PACSIN2: variants seen among roughly 807,000 people sequenced by gnomAD.
The protein encoded by PACSIN2 is protein kinase C and casein kinase substrate in neurons protein 2.
Under a neutral mutation model 63.8 loss-of-function variants are expected in PACSIN2, and 25 were observed. That is an observed-to-expected ratio of 0.39 (90% CI 0.29 to 0.55). The LOEUF (loss-of-function observed/expected upper bound fraction) is 0.55, where lower values mean the gene tolerates loss of function less well. Ranked by LOEUF, PACSIN2 falls within the 20% of genes least tolerant of loss-of-function variation. The pLI is 0.62. For missense variants in PACSIN2, 518 were observed against 646.9 expected (o/e 0.80, Z 2.16); for synonymous variants, 255 against 256.2 (o/e 1.00, Z 0.05).
intron 1 of PACSIN2, among the ~76,000 whole-genome samples, chr22:42,991,694 G>C (rs1923053214): frequency 1.3e-5 from 2 of 151,666 alleles, no homozygotes; most frequent in Non-Finnish European, 2.9e-5. Flanking sequence ...GTCATGAAGA[G>C]ATCCAAGGGC....
chr22:42,894,879 C>A (rs571239554), intron 2 of PACSIN2, among the ~76,000 whole-genome samples: 36 of 152,206 alleles, frequency 2.4e-4, no homozygotes, highest in African/African-American at 8.7e-4. Context: ...TCAGTTTTAC[C>A]TTTTCTAAAA....
chr22:42,929,038 G>A (rs767973304), intron 1 of PACSIN2, among the ~76,000 whole-genome samples: 73 of 152,336 alleles, frequency 4.8e-4, no homozygotes, highest in Non-Finnish European at 6.3e-4. Flanking sequence ...AAGAATAAAC[G>A]TGAATTAAAG....
chr22:42,986,781 G>A (rs1237345519), intron 1 of PACSIN2, among the ~76,000 whole-genome samples: 1 of 152,112 alleles, frequency 6.6e-6, no homozygotes, highest in African/African-American at 2.4e-5. Flanking sequence ...AGGGGCAGCA[G>A]CTACTGCATC....
chr22:42,891,189 A>G lies in PACSIN2; in HGVS notation c.218-7T>C, dbSNP rs1486971037. 1 of 1,603,574 alleles carries G rather than the reference A, an allele frequency of 6.2e-7. No homozygotes were observed. Among genetic ancestry groups the G allele is most frequent in the Non-Finnish European group, 8.5e-7 (1 of 1,171,726 alleles). ...ACGGTCCCGTACTGGGGCCCTGTGC[A>G]GGGGAGAGAAGCTGCGGGTCACTCA... On this transcript the variant is annotated splice_polypyrimidine_tract_variant and splice_region_variant and intron_variant, in intron 3 of 10. Transcript: ENST00000263246.
At chr22:42,985,949 C>T (rs1317354142) in intron 1 of PACSIN2, among the ~76,000 whole-genome samples, 2 of 151,544 alleles carry the variant, frequency 1.3e-5, no homozygotes, top group East Asian at 3.9e-4. Flanking sequence ...GAGCCACCGG[C>T]CACTTGGCTT....
rs146941587 is a variant in PACSIN2, at chr22:42,974,693, G to A, written c.-78+40328C>T. 2.1e-3 allele frequency among the ~76,000 whole-genome samples: 308 copies of A among 149,882 alleles called. 3 individuals carry two copies. Among genetic ancestry groups the A allele is most frequent in the Non-Finnish European group, 3.3e-4 (22 of 67,596 alleles). Reference sequence around the variant, plus strand: ...AAACCTGGGAGGTGGAGGTTGCAGTGAGTTGAGATTGTGCCACTGCACTCC... The same window carrying A: ...AAACCTGGGAGGTGGAGGTTGCAGTAAGTTGAGATTGTGCCACTGCACTCC... On this transcript the variant is annotated intron_variant, in intron 1 of 10. Coordinates refer to ENST00000263246, the MANE Select transcript of PACSIN2 (RefSeq NM_001184970.3).
At chr22:43,004,542 C>T (rs1923968102) in intron 1 of PACSIN2, among the ~76,000 whole-genome samples, 3 of 152,202 alleles carry the variant, frequency 2.0e-5, no homozygotes, top group Admixed American at 2.0e-4. Context: ...CGGGCTTGGA[C>T]GTCTGTACAG....
chr22:42,951,180 G>A (rs10483216), intron 1 of PACSIN2, among the ~76,000 whole-genome samples: 4,509 of 152,142 alleles, frequency 0.03, 180 homozygotes, highest in Admixed American at 0.095. Flanking sequence ...TTCCCTTTAG[G>A]TAAGCATGAA....
intron 1 of PACSIN2, among the ~76,000 whole-genome samples, chr22:42,924,974 A>C (rs1009223168): frequency 1.2e-4 from 18 of 150,848 alleles, no homozygotes; most frequent in South Asian, 2.1e-4. Context: ...AGCCAGGATG[A>C]TCTCGATCTC....
intron 1 of PACSIN2, among the ~76,000 whole-genome samples, chr22:42,968,109 A>G (rs1920993430): frequency 6.6e-6 from 1 of 152,208 alleles, no homozygotes; most frequent in African/African-American, 2.4e-5. Flanking sequence ...CAGCAATGGT[A>G]GCGCGGGAAG....
At chr22:42,990,964 G>A (rs1922999204) in intron 1 of PACSIN2, among the ~76,000 whole-genome samples, 1 of 152,114 alleles carries the variant, frequency 6.6e-6, no homozygotes. Flanking sequence ...CTGTAAAATG[G>A]ACAGCAGCCA....
intron 1 of PACSIN2, among the ~76,000 whole-genome samples, chr22:42,942,520 A>T (rs1933217581): frequency 6.6e-6 from 1 of 152,176 alleles, no homozygotes; most frequent in African/African-American, 2.4e-5. Flanking sequence ...TTTTTTAATT[A>T]AAAAAGCTTT....
intron 1 of PACSIN2, among the ~76,000 whole-genome samples, chr22:42,961,897 C>T (rs914363878): frequency 4.6e-5 from 7 of 152,086 alleles, no homozygotes; most frequent in African/African-American, 1.4e-4. Context: ...TATTTACCAC[C>T]CCTCCCCACA....
chr22:42,952,687 G>C (rs1272372157), intron 1 of PACSIN2, among the ~76,000 whole-genome samples: 3 of 150,700 alleles, frequency 2.0e-5, no homozygotes, highest in Non-Finnish European at 4.4e-5. Flanking sequence ...TTTTGAGATG[G>C]AGTCTCGCTC....
At chr22:43,009,120 A>G (rs1038066704) in intron 1 of PACSIN2, among the ~76,000 whole-genome samples, 5 of 152,202 alleles carry the variant, frequency 3.3e-5, no homozygotes, top group African/African-American at 1.2e-4. Context: ...ACTGCCAAAC[A>G]TAACTCATAA....
At chr22:42,960,928 G>A (rs41436048) in intron 1 of PACSIN2, among the ~76,000 whole-genome samples, 3,906 of 152,254 alleles carry the variant, frequency 0.026, 165 homozygotes, top group African/African-American at 0.09. Flanking sequence ...AAACCAACCT[G>A]CAAAAACAGA....
intron 1 of PACSIN2, among the ~76,000 whole-genome samples, chr22:42,939,041 C>A (rs1446358251): frequency 6.6e-6 from 1 of 152,198 alleles, no homozygotes; most frequent in Non-Finnish European, 1.5e-5. Context: ...CCTGGGCTAT[C>A]AGAATCAGCA....
intron 1 of PACSIN2, among the ~76,000 whole-genome samples, chr22:42,989,480 A>G (rs1345957777): frequency 7.2e-6 from 1 of 139,098 alleles, no homozygotes; most frequent in Non-Finnish European, 1.5e-5. Context: ...CCTGGGCAAT[A>G]AGAGTGAAAC....
chr22:42,903,908 G>A (rs1295967807), intron 2 of PACSIN2, among the ~76,000 whole-genome samples: 1 of 152,112 alleles, frequency 6.6e-6, no homozygotes, highest in Non-Finnish European at 1.5e-5. Context: ...CCTCAAGTAC[G>A]AAGGTGAAGA....
Sources: allele counts gnomAD v4.1 joint callset (sites outside exome capture counted in the v4.1 genomes callset), GRCh38; gene constraint gnomAD v4.1.1; transcripts MANE v1.5; gene names NCBI Gene and HGNC (gene_info 2026-07-23, HGNC 2026-07-21).